Variants in NDUFAF2 observed in about 807,000 individuals in gnomAD.
NDUFAF2 encodes NADH:ubiquinone oxidoreductase complex assembly factor 2, also known as NADH dehydrogenase [ubiquinone] 1 alpha subcomplex assembly factor 2.
NDUFAF2 carries 13 observed loss-of-function variants against 22.8 expected under a neutral mutation model. That is an observed-to-expected ratio of 0.57 (90% CI 0.37 to 0.91). The LOEUF (loss-of-function observed/expected upper bound fraction) is 0.91, where lower values mean the gene tolerates loss of function less well. Ranked by LOEUF, NDUFAF2 falls within the 40% of genes least tolerant of loss-of-function variation. The pLI, the probability that NDUFAF2 is intolerant of heterozygous loss-of-function variation, is 0.01. For synonymous variants in NDUFAF2, 53 were observed against 64.2 expected (o/e 0.83, Z 0.84); for missense variants, 162 against 195.2 (o/e 0.83, Z 1.01).
intron 3 of NDUFAF2, among the ~76,000 whole-genome samples, chr5:61,117,272 G>A (rs958897475): frequency 2.6e-5 from 4 of 152,178 alleles, no homozygotes; most frequent in African/African-American, 9.6e-5. Flanking sequence ...TCAGCTTAAA[G>A]AATATAAAGT....
chr5:61,122,679 AT>A (rs1406503164), intron 3 of NDUFAF2, among the ~76,000 whole-genome samples: 4 of 152,042 alleles, frequency 2.6e-5, no homozygotes, highest in African/African-American at 7.2e-5. Context: ...ATATATTTGA[AT>A]TTTTTAAACT....
chr5:61,092,750 A>ATT (rs1752584057), intron 2 of NDUFAF2, among the ~76,000 whole-genome samples: 1 of 152,072 alleles, frequency 6.6e-6, no homozygotes, highest in Admixed American at 6.6e-5. Flanking sequence ...TACTATGTTG[A>ATT]ATACAAGTAG....
chr5:60,999,585 ATAGT>A (rs895694867), intron 1 of NDUFAF2, among the ~76,000 whole-genome samples: 2 of 152,058 alleles, frequency 1.3e-5, no homozygotes, highest in Admixed American at 1.3e-4. Context: ...TGGCTGCTTA[ATAGT>A]TATAGGTTTT....
At chr5:61,130,547 AT>A (rs1374003166) in intron 3 of NDUFAF2, among the ~76,000 whole-genome samples, 2 of 151,992 alleles carry the variant, frequency 1.3e-5, no homozygotes, top group Non-Finnish European at 2.9e-5. Context: ...CCAGTCCAAG[AT>A]TTTCTGACAA....
chr5:60,987,737 T>G (rs1751101787), intron 1 of NDUFAF2, among the ~76,000 whole-genome samples: 1 of 152,190 alleles, frequency 6.6e-6, no homozygotes, highest in African/African-American at 2.4e-5. Context: ...TGAACATCCT[T>G]TCATGTTAAA....
intron 3 of NDUFAF2, chr5:61,145,985 A>C (rs1416796836): frequency 6.6e-6 from 1 of 152,162 alleles, no homozygotes; most frequent in Non-Finnish European, 1.5e-5. Flanking sequence ...TTGTTGATAC[A>C]CTGCTCTATA....
intron 3 of NDUFAF2, 51 bp from the exon 4 acceptor site, chr5:61,152,653 C>CT: frequency 3.0e-6 from 4 of 1,333,912 alleles, no homozygotes; most frequent in Non-Finnish European, 4.0e-6. Flanking sequence ...TTTATAAAAA[C>CT]TTTTTTTAAC....
At chr5:61,077,329 G>GA (rs1383029298) in intron 2 of NDUFAF2, among the ~76,000 whole-genome samples, 2 of 150,546 alleles carry the variant, frequency 1.3e-5, no homozygotes, top group East Asian at 1.9e-4. Context: ...AAACATAGGA[G>GA]AAAAAAAAAG....
At chr5:61,134,108 T>G (rs1242123907) in intron 3 of NDUFAF2, among the ~76,000 whole-genome samples, 3 of 151,734 alleles carry the variant, frequency 2.0e-5, no homozygotes. Flanking sequence ...TAAAAAGGAG[T>G]GATGAAAATA....
At chr5:61,148,578 C>T (rs1293917328) in intron 3 of NDUFAF2, among the ~76,000 whole-genome samples, 1 of 152,150 alleles carries the variant, frequency 6.6e-6, no homozygotes, top group Non-Finnish European at 1.5e-5. Flanking sequence ...TTTACAACAG[C>T]CCATTGAAGA....
chr5:61,025,652 A>G (rs1751640470), intron 1 of NDUFAF2, among the ~76,000 whole-genome samples: 1 of 151,926 alleles, frequency 6.6e-6, no homozygotes, highest in Admixed American at 6.6e-5. Context: ...ACTCTTGGCA[A>G]TATTTAATGA....
chr5:61,097,782 T>C (rs899214169), intron 2 of NDUFAF2, among the ~76,000 whole-genome samples: 1 of 152,234 alleles, frequency 6.6e-6, no homozygotes, highest in African/African-American at 2.4e-5. Context: ...ATTCTTTGCA[T>C]GTTGTTCATA....
At chr5:60,984,397 C>G (rs1031395931) in intron 1 of NDUFAF2, among the ~76,000 whole-genome samples, 2 of 152,182 alleles carry the variant, frequency 1.3e-5, no homozygotes, top group Middle Eastern at 6.8e-3. Flanking sequence ...ATTTCCTTCT[C>G]CTGCCTGATT....
chr5:61,066,762 A>G (rs948206877), intron 1 of NDUFAF2, among the ~76,000 whole-genome samples: 1 of 152,098 alleles, frequency 6.6e-6, no homozygotes. Flanking sequence ...AATAGTTGTT[A>G]TACTGTATTT....
At chr5:60,977,422 C>A (rs116705302) in intron 1 of NDUFAF2, among the ~76,000 whole-genome samples, 8 of 149,576 alleles carry the variant, frequency 5.3e-5, no homozygotes, top group Admixed American at 1.3e-4. Context: ...GAGCTGTCTC[C>A]AAAAAAAAAG....
chr5:60,972,009 C>G (rs1750838606), intron 1 of NDUFAF2, among the ~76,000 whole-genome samples: 1 of 138,804 alleles, frequency 7.2e-6, no homozygotes, highest in Non-Finnish European at 1.5e-5. Context: ...GTGGTGTGAT[C>G]TAAGCTCACT....
intron 1 of NDUFAF2, among the ~76,000 whole-genome samples, chr5:61,047,381 C>T (rs1043834421): frequency 1.3e-5 from 2 of 151,920 alleles, no homozygotes; most frequent in African/African-American, 4.8e-5. Context: ...TGGTCTGGCT[C>T]CAATATCTGC....
intron 1 of NDUFAF2, among the ~76,000 whole-genome samples, chr5:60,951,424 A>G (rs1750546572): frequency 6.6e-6 from 1 of 152,192 alleles, no homozygotes; most frequent in East Asian, 1.9e-4. Context: ...GGTTGCTTCC[A>G]AGTTTTGGCG....
At chr5:61,086,150 A>G (rs1752503236) in intron 2 of NDUFAF2, among the ~76,000 whole-genome samples, 3 of 152,144 alleles carry the variant, frequency 2.0e-5, no homozygotes, top group African/African-American at 7.2e-5. Flanking sequence ...AAAGAAAAAT[A>G]TGAAATATTG....
Sources: gnomAD v4.1 joint callset for allele counts (sites outside exome capture counted in the v4.1 genomes callset) on GRCh38, gnomAD v4.1.1 for gene constraint, MANE v1.5 for transcripts, NCBI Gene and HGNC (gene_info 2026-07-23, HGNC 2026-07-21) for gene names.